The following DIP2B variants were observed in gnomAD, a reference collection of about 807,000 sequenced individuals.
DIP2B encodes the protein DIP2 acetate--CoA ligase B (putative).
DIP2B carries 76 observed loss-of-function variants against 198.0 expected under a neutral mutation model. The observed-to-expected ratio is 0.38, with a 90% CI of 0.32 to 0.46. DIP2B has a LOEUF of 0.46. DIP2B is among the 20% of genes least tolerant of loss of function. The probability of loss-of-function intolerance (pLI) is 0.99; values close to 1 mark genes in which losing one functional copy is unlikely to be tolerated. For missense variants in DIP2B, 1,559 were observed against 1,978.4 expected (o/e 0.79, Z 4.02); for synonymous variants, 701 against 739.1 (o/e 0.95, Z 0.84).
At chr12:50,538,660 C>T (rs1176987037) in intron 1 of DIP2B, among the ~76,000 whole-genome samples, 1 of 151,890 alleles carries the variant, frequency 6.6e-6, no homozygotes, top group East Asian at 1.9e-4. Context: ...TTTCTGTTAT[C>T]AAAGTAAATA....
At chr12:50,677,214 C>G (rs552800551) in intron 7 of DIP2B, among the ~76,000 whole-genome samples, 1 of 152,290 alleles carries the variant, frequency 6.6e-6, no homozygotes, top group Non-Finnish European at 1.5e-5. Flanking sequence ...CCACTTCTCA[C>G]GCACTGCTCA....
rs73307113 is a variant in DIP2B at position 50,526,253 on chromosome 12, G to A, written c.100+21013G>A. Among the ~76,000 whole-genome samples the A allele has an allele frequency of 8.7e-3, 1,324 of 152,298 alleles. 24 individuals carry two copies. Among genetic ancestry groups the A allele is most frequent in the African/African-American group, 0.03 (1,258 of 41,548 alleles). ...CTGTCCCCAGGGTCTCTGCCAGGAAGGATGGGGACCCCTGTGGAAGCTGGT... is the reference window on the plus strand; with the variant it reads ...CTGTCCCCAGGGTCTCTGCCAGGAAAGATGGGGACCCCTGTGGAAGCTGGT... On this transcript the variant is annotated intron_variant, in intron 1 of 37. Coordinates refer to ENST00000301180, the MANE Select transcript of DIP2B (RefSeq NM_173602.3).
At chr12:50,685,792 C>T (rs1939120578) in intron 10 of DIP2B, 41 bp from the exon 11 acceptor site, 2 of 1,598,184 alleles carry the variant, frequency 1.3e-6, no homozygotes, top group Non-Finnish European at 1.7e-6. Flanking sequence ...AGTGTGCTCA[C>T]ATTCGCTCCC....
At chr12:50,704,950 AAAAC>A (rs1213514199) in intron 20 of DIP2B, among the ~76,000 whole-genome samples, 3 of 152,168 alleles carry the variant, frequency 2.0e-5, no homozygotes, top group East Asian at 1.9e-4. Flanking sequence ...TTCATTTCAA[AAAAC>A]AAACAAAAAA....
chr12:50,701,003 C>T (rs543529906), intron 19 of DIP2B, among the ~76,000 whole-genome samples: 13 of 152,270 alleles, frequency 8.5e-5, no homozygotes, highest in African/African-American at 1.2e-4. Flanking sequence ...TGAGCCGTTG[C>T]GCCTGTAATT....
chr12:50,541,186 TG>T (rs1958322133), intron 1 of DIP2B, among the ~76,000 whole-genome samples: 1 of 152,208 alleles, frequency 6.6e-6, no homozygotes, highest in Non-Finnish European at 1.5e-5. Flanking sequence ...TTAATGATTT[TG>T]TAGAATCATT....
At chr12:50,610,509 T>C (rs1959021954) in intron 1 of DIP2B, among the ~76,000 whole-genome samples, 2 of 69,954 alleles carry the variant, frequency 2.9e-5, no homozygotes, top group South Asian at 1.6e-3. Context: ...GATGTAAATA[T>C]CTTTTTTTTT....
intron 4 of DIP2B, among the ~76,000 whole-genome samples, chr12:50,667,035 A>T (rs1032432937): frequency 6.6e-6 from 1 of 152,174 alleles, no homozygotes; most frequent in Non-Finnish European, 1.5e-5. Flanking sequence ...CACTTAGCTA[A>T]GTTTTGCATT....
Position 50,718,823 on chromosome 12 carries a change from G to A in DIP2B, c.2961+5G>A, listed in dbSNP as rs539324578. The stretch of plus-strand genomic sequence containing the variant: ...GAGAATGATTTGGTGAGGAAGGTAA[G>A]TGTTCCTGAAGTGTTACCTTCTTAC... On this transcript the variant is annotated splice_donor_5th_base_variant and intron_variant, in intron 24 of 37. Coordinates refer to ENST00000301180, the MANE Select transcript of DIP2B (RefSeq NM_173602.3). 28 of 1,613,478 alleles carry A rather than the reference G, an allele frequency of 1.7e-5. No individual in the cohort carries two copies. In the South Asian group the frequency reaches 3.1e-4, roughly 18 times the overall value.
At chr12:50,646,356 C>T (rs938162545) in intron 3 of DIP2B, among the ~76,000 whole-genome samples, 9 of 151,800 alleles carry the variant, frequency 5.9e-5, no homozygotes, top group Non-Finnish European at 1.2e-4. Context: ...CTCCTGACCT[C>T]GTGATCCGCC....
At chr12:50,521,157 A>G (rs1271041990) in intron 1 of DIP2B, among the ~76,000 whole-genome samples, 3 of 132,974 alleles carry the variant, frequency 2.3e-5, no homozygotes, top group Admixed American at 8.7e-5. Flanking sequence ...CCCAGGCTGG[A>G]GTACAGTGGC....
rs145916050 is a variant in DIP2B at position 50,689,516 on chromosome 12, G to A, written c.1552-1533G>A. On this transcript the variant is annotated intron_variant, in intron 12 of 37. Coordinates refer to ENST00000301180, the MANE Select transcript of DIP2B (RefSeq NM_173602.3). Reference sequence around the variant, plus strand: ...CTTAGTTACTGATGCTGGAGAGGGAGAAGGCAAGACAGACTCAGGTTTCTT... The same window carrying A: ...CTTAGTTACTGATGCTGGAGAGGGAAAAGGCAAGACAGACTCAGGTTTCTT... Among the ~76,000 whole-genome samples, 229 of 152,356 alleles carry A rather than the reference G, an allele frequency of 1.5e-3. 1 individual carries two copies. Among genetic ancestry groups the A allele is most frequent in the African/African-American group, 5.3e-3 (219 of 41,586 alleles).
intron 1 of DIP2B, among the ~76,000 whole-genome samples, chr12:50,505,620 C>T (rs980125544): frequency 6.6e-6 from 1 of 152,256 alleles, no homozygotes. Context: ...CCTTTCCTCT[C>T]CCCTTTTCGT....
chr12:50,540,982 G>A (rs1382854800), intron 1 of DIP2B, among the ~76,000 whole-genome samples: 2 of 152,114 alleles, frequency 1.3e-5, no homozygotes, highest in Non-Finnish European at 2.9e-5. Flanking sequence ...TTCTTTTATA[G>A]ACGTCTTTGT....
At chr12:50,556,124 A>G (rs559994436) in intron 1 of DIP2B, among the ~76,000 whole-genome samples, 1 of 151,836 alleles carries the variant, frequency 6.6e-6, no homozygotes, top group Non-Finnish European at 1.5e-5. Context: ...CGCGACGCTC[A>G]CTGTAAGCTC....
In DIP2B at chr12:50,744,841, C is replaced by A. The variant is rs1369600351; in HGVS notation, c.*2C>A. On this transcript the variant is annotated 3_prime_UTR_variant, in exon 38 of 38. Coordinates refer to ENST00000301180, the MANE Select transcript of DIP2B (RefSeq NM_173602.3). ...ATCTACGTGGCTTATAACATGTAAC[C>A]AGCCTTGTGGGGACTGCAGTGGGCC... 6.2e-7 allele frequency: 1 copy of A among 1,613,878 alleles called. No individual in the cohort carries two copies.
rs79731691 is a variant in DIP2B, at chr12:50,744,446, A to C, written c.4479-141A>C. The stretch of plus-strand genomic sequence containing the variant: ...TTATCAGGTAAAATTGAAAGGTGTC[A>C]TATATGGTAGACATGACTGCTGACG... On this transcript the variant is annotated intron_variant, in intron 37 of 37. Coordinates refer to ENST00000301180, the MANE Select transcript of DIP2B (RefSeq NM_173602.3). 7.5e-3 allele frequency: 8,045 copies of C among 1,070,500 alleles called. 433 individuals are homozygous for C. The African/African-American group carries it at 0.11, about 15-fold the overall frequency. 66.3% of individuals were successfully genotyped at this position (1,070,500 alleles called of 1,614,324 possible).
At chr12:50,558,074 T>C (rs1035982028) in intron 1 of DIP2B, among the ~76,000 whole-genome samples, 2 of 118,718 alleles carry the variant, frequency 1.7e-5, no homozygotes, top group African/African-American at 3.1e-5. Context: ...ATATAAATTA[T>C]CACGTTTCAG....
chr12:50,565,925 G>A (rs1958559726), intron 1 of DIP2B, among the ~76,000 whole-genome samples: 1 of 151,808 alleles, frequency 6.6e-6, no homozygotes, highest in Admixed American at 6.6e-5. Context: ...CATTTTATAT[G>A]TCTCGAAATT....
Sources: allele counts gnomAD v4.1 joint callset (sites outside exome capture counted in the v4.1 genomes callset), GRCh38; gene constraint gnomAD v4.1.1; transcripts MANE v1.5; gene names NCBI Gene and HGNC (gene_info 2026-07-23, HGNC 2026-07-21).